The following ADCY7 variants were observed in gnomAD, a reference collection of about 807,000 sequenced individuals.
The protein encoded by ADCY7 is adenylate cyclase 7, also known as adenylate cyclase type 7.
Under a neutral mutation model 120.6 loss-of-function variants are expected in ADCY7, and 72 were observed. The observed-to-expected ratio is 0.60, with a 90% CI of 0.49 to 0.73. The LOEUF is 0.73. Among genes scored for constraint, ADCY7 ranks in the 30% least tolerant of loss-of-function variants. The probability of loss-of-function intolerance (pLI) is 0.00; values close to 1 mark genes in which losing one functional copy is unlikely to be tolerated. For synonymous variants in ADCY7, 661 were observed against 628.0 expected, an observed-to-expected ratio of 1.05 and a Z score of -0.78; for missense variants, 1,227 against 1,486.0, an observed-to-expected ratio of 0.83 and a Z score of 2.87.
intron 19 of ADCY7, 101 bp downstream of exon 19, chr16:50,310,981 A>T (rs1317953892): frequency 8.1e-7 from 1 of 1,238,670 alleles, no homozygotes; most frequent in Non-Finnish European, 1.1e-6. Context: ...GGGAGTGGGC[A>T]CCTTGCAGGG....
Position 50,288,028 on chromosome 16 carries a change from C to A in ADCY7, c.-152C>A. On this transcript the variant is annotated 5_prime_UTR_variant, in exon 2 of 26. Transcript: ENST00000673801. ...GGACCCCTTGTTGGCCATGGAGCAG[C>A]AGGCCCAGAGGCCCTCTCCCCAGCC... 1 of 842,488 alleles carries A rather than the reference C, an allele frequency of 1.2e-6. No homozygotes were observed. Among genetic ancestry groups the A allele is most frequent in the Non-Finnish European group, 1.8e-6 (1 of 569,888 alleles). 52.2% of individuals were successfully genotyped at this position (842,488 alleles called of 1,614,324 possible).
In ADCY7 at chr16:50,311,851, ATGGGGTGGGG is replaced by A. The variant is rs1325825181; in HGVS notation, c.2448+75_2448+84del. 2.4e-5 allele frequency: 28 copies of A among 1,154,176 alleles called. 1 individual carries two copies. The East Asian group carries it at 3.8e-4, about 16-fold the overall frequency. 71.5% of individuals were successfully genotyped at this position (1,154,176 alleles called of 1,614,324 possible). Reference sequence around the variant, plus strand: ...CACTTTTCCTCACCTCCATCTGGAGATGGGGTGGGGTGGGGTGGGCTCAGGTGGAGTAGCA... The same window carrying A: ...CACTTTTCCTCACCTCCATCTGGAGATGGGGTGGGCTCAGGTGGAGTAGCA... On this transcript the variant is annotated intron_variant, in intron 20 of 25. Coordinates refer to ENST00000673801, the MANE Select transcript of ADCY7 (RefSeq NM_001114.5).
At position 50,317,865 on chromosome 16, in the gene ADCY7, A is replaced by C. The variant is rs2036879667; in HGVS notation, c.*2360A>C. ...TTAACTTTTGTGAAAATAATACCTA[A>C]GGTTTTCTGGCTTATTGAGGAAATT... is the stretch of plus-strand genomic sequence containing the variant. On this transcript the variant is annotated 3_prime_UTR_variant, in exon 26 of 26. Transcript: ENST00000673801. 6.6e-6 allele frequency: 1 copy of C among 151,930 alleles called. No homozygotes were observed. Among genetic ancestry groups the C allele is most frequent in the Non-Finnish European group, 1.5e-5 (1 of 67,942 alleles). 9.4% of individuals were successfully genotyped at this position (151,930 alleles called of 1,614,324 possible).
rs1283983098 is a variant in ADCY7 at position 50,312,998 on chromosome 16, C to T, written c.2713C>T (p.Leu905=). ...TGTCAACAAAGAAGGGCTGGAGTGC[C>T]TACGCCTGCTCAATGAGATCATTGC... The part of the protein sequence containing the change: ...CDVNKEGLEC[L]RLLNEIIADF... The change falls in exon 22 of 26, where the codon CTA becomes TTA. Residue 905 remains leucine, a synonymous_variant. Coordinates refer to ENST00000673801, the MANE Select transcript of ADCY7 (RefSeq NM_001114.5). The T allele has an allele frequency of 3.1e-6, 5 of 1,614,166 alleles. No homozygotes were observed. In the African/African-American group the frequency reaches 6.7e-5, roughly 22 times the overall value.
At chr16:50,258,462 C>T (rs1048850812) in intron 1 of ADCY7, among the ~76,000 whole-genome samples, 1 of 152,014 alleles carries the variant, frequency 6.6e-6, no homozygotes, top group African/African-American at 2.4e-5. Flanking sequence ...GAGGCTTGAT[C>T]TAATTCAGTT....
chr16:50,271,169 G>A (rs1410613968), intron 1 of ADCY7, among the ~76,000 whole-genome samples: 2 of 152,218 alleles, frequency 1.3e-5, no homozygotes, highest in African/African-American at 4.8e-5. Context: ...GTGAGTCTGG[G>A]ACCAGAGCTC....
At chr16:50,296,831 G>A (rs1414609692) in intron 7 of ADCY7, among the ~76,000 whole-genome samples, 1 of 152,212 alleles carries the variant, frequency 6.6e-6, no homozygotes, top group East Asian at 1.9e-4. Flanking sequence ...AGCTTCTACA[G>A]GATTGCACTG....
At chr16:50,262,361 G>A (rs977740517), upstream of ADCY7, among the ~76,000 whole-genome samples, 19 of 151,426 alleles carry the variant, frequency 1.3e-4, 1 homozygote, top group Admixed American at 3.3e-4. Flanking sequence ...AGGCTCAAGC[G>A]ATCCTCCCAC....
At chr16:50,300,070 G>A (rs749202108) in intron 8 of ADCY7, among the ~76,000 whole-genome samples, 15 of 152,070 alleles carry the variant, frequency 9.9e-5, no homozygotes, top group South Asian at 2.1e-4. Context: ...CTCTGTAGAC[G>A]CCAGTAAACT....
intron 10 of ADCY7, among the ~76,000 whole-genome samples, chr16:50,301,517 C>T (rs1052148963): frequency 3.3e-5 from 5 of 152,246 alleles, no homozygotes; most frequent in Admixed American, 3.3e-4. Flanking sequence ...TCTCGTCACT[C>T]TTGGTTTATT....
At chr16:50,276,658 C>T (rs1727400038) in intron 1 of ADCY7, among the ~76,000 whole-genome samples, 1 of 152,208 alleles carries the variant, frequency 6.6e-6, no homozygotes, top group Non-Finnish European at 1.5e-5. Context: ...TGTGGTGGCA[C>T]AATCATCACT....
intron 10 of ADCY7, among the ~76,000 whole-genome samples, chr16:50,302,521 A>G (rs534017745): frequency 6.6e-6 from 1 of 152,220 alleles, no homozygotes; most frequent in Admixed American, 6.5e-5. Flanking sequence ...GCAGTACTCA[A>G]CTGGACAGTT....
chr16:50,283,670 C>T (rs777261017), intron 1 of ADCY7, among the ~76,000 whole-genome samples: 1 of 152,234 alleles, frequency 6.6e-6, no homozygotes, highest in Non-Finnish European at 1.5e-5. Context: ...TCACCCTGCT[C>T]TACCACTGGG....
intron 1 of ADCY7, among the ~76,000 whole-genome samples, chr16:50,250,103 C>G (rs2032709998): frequency 6.6e-6 from 1 of 152,116 alleles, no homozygotes; most frequent in South Asian, 2.1e-4. Flanking sequence ...AGTAAGAGTG[C>G]TTATCTCAAA....
chr16:50,275,869 A>G lies in ADCY7; in HGVS notation c.-269+9189A>G, dbSNP rs11865927. 7.5e-3 allele frequency among the ~76,000 whole-genome samples: 1,144 copies of G among 152,278 alleles called. 22 individuals carry two copies. The highest frequency in any genetic ancestry group is 0.027 in the African/African-American group (1,103 of 41,556). ...TCCCAGAGTCAGTTGCCCTGGCTAG[A>G]AATGGAGCGAGAGCACCCCCGCCCA... On this transcript the variant is annotated intron_variant, in intron 1 of 25. Transcript: ENST00000673801.
chr16:50,272,411 C>T (rs2033630222), intron 1 of ADCY7, among the ~76,000 whole-genome samples: 1 of 152,206 alleles, frequency 6.6e-6, no homozygotes, highest in Non-Finnish European at 1.5e-5. Flanking sequence ...GTCACACTGC[C>T]TCGGGCGCAG....
At chr16:50,306,236 C>T (rs993177980) in intron 14 of ADCY7, among the ~76,000 whole-genome samples, 2 of 152,244 alleles carry the variant, frequency 1.3e-5, no homozygotes, top group Admixed American at 1.3e-4. Context: ...GCTTTTTGTA[C>T]TGATAACGAC....
Position 50,303,607 on chromosome 16 carries a change from G to A in ADCY7, c.1369-753G>A, listed in dbSNP as rs189839963. ...GGCCTCAGGCATGTGTTCTTGGATC[G>A]GGGTGGGGGTCTCAGGTCTGTGGCA... On this transcript the variant is annotated intron_variant, in intron 10 of 25. Coordinates refer to ENST00000673801, the MANE Select transcript of ADCY7 (RefSeq NM_001114.5). Among the ~76,000 whole-genome samples the A allele has an allele frequency of 8.5e-5, 13 of 152,252 alleles. No individual in the cohort carries two copies. In the East Asian group the frequency reaches 1.5e-3, roughly 18 times the overall value.
chr16:50,293,339 C>T lies in ADCY7; in HGVS notation c.688-15C>T, dbSNP rs771656020. 1 of 1,610,726 alleles carries T rather than the reference C, an allele frequency of 6.2e-7. No individual in the cohort carries two copies. The highest frequency in any genetic ancestry group is 8.5e-7 in the Non-Finnish European group (1 of 1,177,876). ...CTTTGCTGGTCCCTCTGCTGGTCTGCCCACCCACACCCAGGAGAACCTGCT... is the reference window on the plus strand; with the variant it reads ...CTTTGCTGGTCCCTCTGCTGGTCTGTCCACCCACACCCAGGAGAACCTGCT... On this transcript the variant is annotated splice_polypyrimidine_tract_variant and intron_variant, in intron 5 of 25. Coordinates refer to ENST00000673801, the MANE Select transcript of ADCY7 (RefSeq NM_001114.5).
Sources: gnomAD v4.1 joint callset for allele counts (sites outside exome capture counted in the v4.1 genomes callset) on GRCh38, gnomAD v4.1.1 for gene constraint, MANE v1.5 for transcripts, NCBI Gene and HGNC (gene_info 2026-07-23, HGNC 2026-07-21) for gene names.